BICD1: variants seen among roughly 807,000 people sequenced by gnomAD.
BICD1 encodes protein bicaudal D homolog 1.
In BICD1, 35 loss-of-function variants were observed where a neutral mutation model predicts 92.5. The ratio of observed to expected loss-of-function variants is 0.38; its 90% CI spans 0.29 to 0.50. The LOEUF (loss-of-function observed/expected upper bound fraction) is 0.50, where lower values mean the gene tolerates loss of function less well. BICD1 is among the 20% of genes least tolerant of loss of function. The pLI is 0.93. For synonymous variants in BICD1, 429 were observed against 465.1 expected (o/e 0.92, Z 1.00); for missense variants, 950 against 1,189.8 (o/e 0.80, Z 2.97).
At chr12:32,304,724 A>G (rs894977484) in intron 3 of BICD1, among the ~76,000 whole-genome samples, 4 of 152,248 alleles carry the variant, frequency 2.6e-5, no homozygotes, top group African/African-American at 7.2e-5. Context: ...TATTACCTCA[A>G]TAACAACATA....
chr12:32,313,897 C>T lies in BICD1; in HGVS notation c.1005+7775C>T, dbSNP rs561155416. ...TAGGGTCGCTGAGGTGGGAGGATTG[C>T]TTGAGTCTGGGAGGAGGTCAAGGCT... On this transcript the variant is annotated intron_variant, in intron 4 of 9. Transcript: ENST00000652176. The surrounding 1 kb of genome is among the most constrained non-coding windows in gnomAD (Gnocchi z 4.2). Among the ~76,000 whole-genome samples the T allele has an allele frequency of 6.6e-6, 1 of 152,148 alleles. No individual in the cohort carries two copies. Among genetic ancestry groups the T allele is most frequent in the Admixed American group, 6.5e-5 (1 of 15,284 alleles).
intron 1 of BICD1, among the ~76,000 whole-genome samples, chr12:32,153,925 CTCTGG>C (rs376156500): frequency 1.1e-4 from 17 of 151,932 alleles, no homozygotes; most frequent in African/African-American, 3.6e-4. Context: ...GGCTAACCAA[CTCTGG>C]TCTGGTCACC....
At chr12:32,107,825 A>G (rs1387564276) in intron 1 of BICD1, 1 of 686,450 alleles carries the variant, frequency 1.5e-6, no homozygotes, top group Non-Finnish European at 2.7e-6. Context: ...GCACTCTAAG[A>G]CGACATTCAA....
At chr12:32,303,683 G>A (rs1271549382) in intron 3 of BICD1, among the ~76,000 whole-genome samples, 4 of 152,200 alleles carry the variant, frequency 2.6e-5, no homozygotes, top group African/African-American at 4.8e-5. Context: ...CTAGAAGGCT[G>A]TACAACAACA....
intron 1 of BICD1, among the ~76,000 whole-genome samples, chr12:32,141,766 G>A (rs1178853148): frequency 1.3e-5 from 2 of 152,146 alleles, no homozygotes. Flanking sequence ...GAGCCACCGC[G>A]CCTGGCCTGG....
chr12:32,242,238 A>G (rs1274147589), intron 2 of BICD1, among the ~76,000 whole-genome samples: 1 of 149,864 alleles, frequency 6.7e-6, no homozygotes, highest in Non-Finnish European at 1.5e-5. Flanking sequence ...AAAAAAAAAA[A>G]AAAAAGGCCA....
intron 2 of BICD1, among the ~76,000 whole-genome samples, chr12:32,245,295 G>A (rs1946349439): frequency 6.8e-6 from 1 of 147,666 alleles, no homozygotes; most frequent in South Asian, 2.1e-4. Context: ...CCCCCAGGCT[G>A]GAGTGCAGTG....
At chr12:32,137,263 A>G (rs749401346) in intron 1 of BICD1, among the ~76,000 whole-genome samples, 2 of 151,694 alleles carry the variant, frequency 1.3e-5, no homozygotes, top group African/African-American at 2.4e-5. Flanking sequence ...TGATTTTTGT[A>G]TTTTTAGTAG....
chr12:32,152,163 C>T (rs1592381425), intron 1 of BICD1, among the ~76,000 whole-genome samples: 1 of 151,918 alleles, frequency 6.6e-6, no homozygotes, highest in South Asian at 2.1e-4. Flanking sequence ...CGCCATGTTG[C>T]CCAGGCTGGT....
At chr12:32,307,322 G>A (rs2650127) in intron 4 of BICD1, among the ~76,000 whole-genome samples, 125,301 of 152,198 alleles carry the variant, frequency 0.82, 52,035 homozygotes, top group Non-Finnish European at 0.87. Flanking sequence ...AATTTTTAGC[G>A]TCTTCAAAAC....
intron 4 of BICD1, among the ~76,000 whole-genome samples, chr12:32,312,231 C>T (rs1023585900): frequency 6.6e-6 from 1 of 152,088 alleles, no homozygotes; most frequent in African/African-American, 2.4e-5. Context: ...AGGTCTCCTT[C>T]TTGAAGCCAT....
At position 32,182,886 on chromosome 12, in the gene BICD1, C is replaced by CTT. The variant is rs1335811260; in HGVS notation, c.214-33359_214-33358dup. On this transcript the variant is annotated intron_variant, in intron 1 of 9. Transcript: ENST00000652176. Reference sequence around the variant, plus strand: ...TTTTTCTTTTTCTTTTCTTTTCTTTCTTTCTTTTTTTTTTTTTTTTTTTAA... The same window carrying CTT: ...TTTTTCTTTTTCTTTTCTTTTCTTTCTTTTTCTTTTTTTTTTTTTTTTTTTAA... 3.8e-3 allele frequency among the ~76,000 whole-genome samples: 306 copies of CTT among 80,382 alleles called. 13 individuals are homozygous for CTT. Among genetic ancestry groups the CTT allele is most frequent in the African/African-American group, 0.014 (282 of 20,618 alleles). 52.7% of individuals were successfully genotyped at this position (80,382 alleles called of 152,430 possible).
At chr12:32,298,642 G>A (rs922176691) in intron 3 of BICD1, among the ~76,000 whole-genome samples, 1 of 150,226 alleles carries the variant, frequency 6.7e-6, no homozygotes, top group Non-Finnish European at 1.5e-5. Flanking sequence ...AGGCCGAGGC[G>A]GGCAGATCAC....
Position 32,367,731 on chromosome 12 carries a change from C to T in BICD1, c.2826C>T (p.Asp942=). The T allele has an allele frequency of 6.2e-7, 1 of 1,614,120 alleles. No homozygotes were observed. The highest frequency in any genetic ancestry group is 2.2e-5 in the East Asian group (1 of 44,894). Residue 942 remains aspartate, a synonymous_variant, in exon 9 of 10, where the codon GAC becomes GAT. Transcript: ENST00000652176. ...GCTCACAACTAGCCGGGAGGCAAGACTGCCCAACTGTCAGGTAAATTCAGA... is the reference window on the plus strand; with the variant it reads ...GCTCACAACTAGCCGGGAGGCAAGATTGCCCAACTGTCAGGTAAATTCAGA... The part of the protein sequence containing the change: ...PQCSQLAGRQ[D]CPTVSPDTAL...
chr12:32,145,835 C>G (rs1230398744), intron 1 of BICD1, among the ~76,000 whole-genome samples: 3 of 152,198 alleles, frequency 2.0e-5, no homozygotes, highest in African/African-American at 7.2e-5. Flanking sequence ...TATAGATACA[C>G]TAATTCTTGT....
At chr12:32,274,255 T>G (rs1947220560) in intron 2 of BICD1, among the ~76,000 whole-genome samples, 1 of 152,214 alleles carries the variant, frequency 6.6e-6, no homozygotes. Flanking sequence ...GGCAGCCAAC[T>G]TAAGACAGAT....
intron 4 of BICD1, among the ~76,000 whole-genome samples, chr12:32,327,066 C>A (rs1948794986): frequency 6.6e-6 from 1 of 152,086 alleles, no homozygotes; most frequent in Admixed American, 6.6e-5. Context: ...CTGATACAGT[C>A]ACTTATGATC....
intron 1 of BICD1, among the ~76,000 whole-genome samples, chr12:32,215,065 C>A (rs986171410): frequency 6.6e-6 from 1 of 152,086 alleles, no homozygotes; most frequent in Non-Finnish European, 1.5e-5. Context: ...CCCTTCTCTA[C>A]TAAAAGGACA....
At chr12:32,308,241 T>A (rs1366434541) in intron 4 of BICD1, among the ~76,000 whole-genome samples, 3 of 152,248 alleles carry the variant, frequency 2.0e-5, no homozygotes, top group Non-Finnish European at 4.4e-5. Context: ...GAGAATGTTT[T>A]CTTCCTTGAG....
Sources: allele counts gnomAD v4.1 joint callset (sites outside exome capture counted in the v4.1 genomes callset), GRCh38; gene constraint gnomAD v4.1.1; non-coding constraint Gnocchi (gnomAD v3.1); transcripts MANE v1.5; gene names NCBI Gene and HGNC (gene_info 2026-07-23, HGNC 2026-07-21).